Variants in CFAP96 observed in about 807,000 individuals in gnomAD.
The protein encoded by CFAP96 is cilia and flagella associated protein 96.
the CFAP96 span, among the ~76,000 whole-genome samples, chr4:185,431,732 T>G: frequency 6.6e-6 from 1 of 152,222 alleles, no homozygotes; most frequent in Non-Finnish European, 1.5e-5. Context: ...TTTTAAGGTC[T>G]CTACCAGCTC....
chr4:185,444,964 C>G, the CFAP96 span: 1 of 1,545,912 alleles, frequency 6.5e-7, no homozygotes, highest in South Asian at 1.2e-5. Flanking sequence ...TTCTTCGCAG[C>G]CTGGTGGAAT....
chr4:185,415,322 T>C, the CFAP96 span: 1 of 1,594,130 alleles, frequency 6.3e-7, no homozygotes, highest in African/African-American at 1.4e-5. Context: ...TGATTATGAA[T>C]TGCATCAACC....
chr4:185,422,676 A>C, the CFAP96 span: 2 of 754,294 alleles, frequency 2.7e-6, no homozygotes, highest in South Asian at 2.2e-5. Context: ...TGATTCTTCA[A>C]ATTATTTCAT....
the CFAP96 span, among the ~76,000 whole-genome samples, chr4:185,448,076 AAAG>A: frequency 6.6e-6 from 1 of 152,212 alleles, no homozygotes; most frequent in Admixed American, 6.5e-5. Context: ...GCTGGAGTGC[AAAG>A]GTGTGATCTC....
chr4:185,415,604 A>C, the CFAP96 span: 186 of 1,073,140 alleles, frequency 1.7e-4, no homozygotes, highest in Non-Finnish European at 2.1e-4. Context: ...GGTTAATAAT[A>C]AACAAGGAGA....
chr4:185,442,119 T>C, the CFAP96 span, among the ~76,000 whole-genome samples: 2 of 152,134 alleles, frequency 1.3e-5, no homozygotes, highest in African/African-American at 4.8e-5. Context: ...CCCTTTTAAG[T>C]TCTATTATAT....
chr4:185,445,450 AATTAAC>A, the CFAP96 span: 1 of 1,270,210 alleles, frequency 7.9e-7, no homozygotes, highest in Non-Finnish European at 1.1e-6. Flanking sequence ...TTAGCAGTAC[AATTAAC>A]ATTGGCTATT....
chr4:185,434,933 G>T, the CFAP96 span, among the ~76,000 whole-genome samples: 1 of 152,064 alleles, frequency 6.6e-6, no homozygotes, highest in African/African-American at 2.4e-5. Flanking sequence ...GTAGAGATGG[G>T]TTTCGCCATG....
the CFAP96 span, among the ~76,000 whole-genome samples, chr4:185,409,086 G>T: frequency 2.6e-5 from 4 of 152,152 alleles, no homozygotes; most frequent in African/African-American, 9.6e-5. Context: ...AACACGCCTG[G>T]CACACGGTTA....
chr4:185,432,198 A>T, the CFAP96 span: 3 of 1,550,342 alleles, frequency 1.9e-6, no homozygotes, highest in South Asian at 3.6e-5. Context: ...GGAGAGAAAA[A>T]GCCGTAAGTG....
chr4:185,444,816 G>A, the CFAP96 span: 3 of 655,966 alleles, frequency 4.6e-6, no homozygotes, highest in East Asian at 8.3e-5. Flanking sequence ...GTGGTAGGGA[G>A]ACCTTTTGGT....
the CFAP96 span, chr4:185,436,403 C>T: frequency 7.4e-7 from 1 of 1,353,258 alleles, no homozygotes; most frequent in South Asian, 1.3e-5. Context: ...TTTTATTTAG[C>T]TAACTCGATA....
the CFAP96 span, chr4:185,425,971 G>C: frequency 2.9e-6 from 4 of 1,367,610 alleles, no homozygotes; most frequent in Admixed American, 4.1e-5. Context: ...GGGCCCGGGC[G>C]GACCAACTAC....
the CFAP96 span, among the ~76,000 whole-genome samples, chr4:185,410,066 A>T: frequency 6.6e-6 from 1 of 152,230 alleles, no homozygotes; most frequent in Admixed American, 6.5e-5. Flanking sequence ...GGGAACAAAT[A>T]CAAGTTTCAA....
At chr4:185,418,047 A>AAC in the CFAP96 span, among the ~76,000 whole-genome samples, 3 of 143,062 alleles carry the variant, frequency 2.1e-5, no homozygotes, top group East Asian at 2.0e-4. Context: ...TCCATCTCAA[A>AAC]ACACACACAC....
At chr4:185,422,709 AAAAAAC>A in the CFAP96 span, 3 of 673,450 alleles carry the variant, frequency 4.5e-6, no homozygotes, top group South Asian at 4.8e-5. Context: ...TGTTTTATAG[AAAAAAC>A]AAAAACAAAA....
chr4:185,446,824 A>G, the CFAP96 span, among the ~76,000 whole-genome samples: 1 of 152,218 alleles, frequency 6.6e-6, no homozygotes, highest in Non-Finnish European at 1.5e-5. Flanking sequence ...CATGGGGACT[A>G]ATTAGCTTGA....
the CFAP96 span, among the ~76,000 whole-genome samples, chr4:185,443,320 GTATATATATA>G: frequency 3.2e-4 from 18 of 55,988 alleles, no homozygotes; most frequent in East Asian, 1.3e-3. Flanking sequence ...TATTTTTTAT[GTATATATATA>G]TATATATATA....
At chr4:185,443,842 GT>G in the CFAP96 span, among the ~76,000 whole-genome samples, 3 of 141,450 alleles carry the variant, frequency 2.1e-5, no homozygotes, top group Non-Finnish European at 4.6e-5. Flanking sequence ...ACTTTCTTAA[GT>G]TTTCTTGTTA....
Sources: allele counts gnomAD v4.1 joint callset (sites outside exome capture counted in the v4.1 genomes callset), GRCh38; gene constraint gnomAD v4.1.1; transcripts MANE v1.5; gene names NCBI Gene and HGNC (gene_info 2026-07-23, HGNC 2026-07-21).